The following DENND1A variants were observed in gnomAD, a reference collection of about 807,000 sequenced individuals.
The protein encoded by DENND1A is DENN domain containing 1A, also known as DENN domain-containing protein 1A.
Under a neutral mutation model 113.7 loss-of-function variants are expected in DENND1A, and 51 were observed. The ratio of observed to expected loss-of-function variants is 0.45; its 90% CI spans 0.36 to 0.57. The LOEUF is 0.57. Ranked by LOEUF, DENND1A falls within the 20% of genes least tolerant of loss-of-function variation. DENND1A has a pLI of 0.00. For missense variants in DENND1A, 1,258 were observed against 1,395.9 expected, an observed-to-expected ratio of 0.90 and a Z score of 1.57; for synonymous variants, 565 against 570.8, an observed-to-expected ratio of 0.99 and a Z score of 0.14.
At chr9:123,827,342 C>T (rs1335129102) in intron 2 of DENND1A, among the ~76,000 whole-genome samples, 1 of 150,250 alleles carries the variant, frequency 6.7e-6, no homozygotes, top group Non-Finnish European at 1.5e-5. Context: ...TTAGTGGCCT[C>T]AGGAAAAAGA....
intron 1 of DENND1A, among the ~76,000 whole-genome samples, chr9:123,885,004 C>CAG (rs2133666483): frequency 8.3e-6 from 1 of 121,148 alleles, no homozygotes; most frequent in South Asian, 2.3e-4. Flanking sequence ...CGCGCACACA[C>CAG]ACACACACAC....
chr9:123,802,124 C>T (rs1300122806), intron 2 of DENND1A, among the ~76,000 whole-genome samples: 2 of 152,190 alleles, frequency 1.3e-5, no homozygotes, highest in Non-Finnish European at 2.9e-5. Flanking sequence ...TTGCTTTTGG[C>T]ACTCCTGGTC....
At chr9:123,573,531 T>C (rs546064565) in intron 12 of DENND1A, among the ~76,000 whole-genome samples, 16 of 152,288 alleles carry the variant, frequency 1.1e-4, no homozygotes, top group African/African-American at 3.6e-4. Flanking sequence ...CTTAAATTTA[T>C]TCCTAAGTAT....
At chr9:123,876,530 T>C (rs1163047859) in intron 2 of DENND1A, among the ~76,000 whole-genome samples, 1 of 152,180 alleles carries the variant, frequency 6.6e-6, no homozygotes, top group Non-Finnish European at 1.5e-5. Context: ...TCTTAAATGA[T>C]CCAGCAATAA....
chr9:123,867,212 C>A (rs589766), intron 2 of DENND1A, among the ~76,000 whole-genome samples: 18,914 of 152,108 alleles, frequency 0.12, 1,530 homozygotes, highest in African/African-American at 0.23. Context: ...ATAATACCAA[C>A]AGAAGTTCAA....
chr9:123,476,819 A>G (rs2049952575), intron 13 of DENND1A, among the ~76,000 whole-genome samples: 1 of 152,198 alleles, frequency 6.6e-6, no homozygotes, highest in Non-Finnish European at 1.5e-5. Context: ...ACAATTGGGA[A>G]ACTGAGCCAC....
chr9:123,796,756 T>C (rs932295146), intron 2 of DENND1A, among the ~76,000 whole-genome samples: 19 of 141,596 alleles, frequency 1.3e-4, no homozygotes, highest in Middle Eastern at 3.6e-3. Context: ...TATGTGTACA[T>C]ACACACACAC....
chr9:123,810,549 C>T (rs866676673), intron 2 of DENND1A, among the ~76,000 whole-genome samples: 1 of 46,436 alleles, frequency 2.2e-5, no homozygotes, highest in Non-Finnish European at 4.3e-5. Flanking sequence ...CATGTCTCTA[C>T]AAAAAAAAAA....
chr9:123,671,564 C>T (rs963129983), intron 6 of DENND1A, among the ~76,000 whole-genome samples, 193 bp from the exon 7 acceptor site: 1 of 152,088 alleles, frequency 6.6e-6, no homozygotes, highest in Non-Finnish European at 1.5e-5. Flanking sequence ...CCAAATAGAT[C>T]CTCCTACACC....
At chr9:123,713,805 A>G (rs934149987) in intron 5 of DENND1A, among the ~76,000 whole-genome samples, 8 of 152,216 alleles carry the variant, frequency 5.3e-5, no homozygotes, top group African/African-American at 1.7e-4. Context: ...CATTATTGTC[A>G]CTATTCCATC....
chr9:123,749,735 T>C (rs1196918260), intron 5 of DENND1A, among the ~76,000 whole-genome samples: 3 of 152,074 alleles, frequency 2.0e-5, no homozygotes, highest in Non-Finnish European at 4.4e-5. Flanking sequence ...AGCAAGATGA[T>C]TGAAGAATGC....
chr9:123,891,610 G>C (rs1420811407), intron 1 of DENND1A, among the ~76,000 whole-genome samples: 1 of 152,194 alleles, frequency 6.6e-6, no homozygotes, highest in Non-Finnish European at 1.5e-5. Flanking sequence ...CTCTTTAGAA[G>C]ACCTTGAAAT....
At chr9:123,765,222 G>T (rs2131554049) in intron 4 of DENND1A, among the ~76,000 whole-genome samples, 1 of 152,266 alleles carries the variant, frequency 6.6e-6, no homozygotes, top group South Asian at 2.1e-4. Context: ...GTAAAACAGG[G>T]AAAGTATGGT....
chr9:123,750,422 C>T (rs1023947642), intron 5 of DENND1A, among the ~76,000 whole-genome samples: 7 of 152,220 alleles, frequency 4.6e-5, no homozygotes, highest in African/African-American at 1.4e-4. Flanking sequence ...CCATGCCCTG[C>T]ACCCACACAA....
chr9:123,440,470 C>T lies in DENND1A; in HGVS notation c.1378G>A (p.Ala460Thr), dbSNP rs747062773. The T allele has an allele frequency of 1.3e-5, 20 of 1,569,788 alleles. No individual in the cohort carries two copies. Among genetic ancestry groups the T allele is most frequent in the Middle Eastern group, 1.7e-4 (1 of 5,932 alleles). ...GGCAGCTGCTCTTCTGGGGTGGGGG[C>T]GCAGCCATTCTCGGCAATGTCCTGT... ...KQKDIAENGC[A>T]PTPEEQLPKT... Residue 460 changes from alanine to threonine, a missense_variant, in exon 19 of 24, where the codon GCC (alanine) becomes ACC (threonine). Physicochemically the swap from Ala to Thr is moderately conservative, Grantham distance 58 (BLOSUM62 0). Coordinates refer to ENST00000394215, the MANE Select transcript of DENND1A (RefSeq NM_001352964.2).
intron 12 of DENND1A, among the ~76,000 whole-genome samples, chr9:123,560,271 A>C (rs1424808384): frequency 2.0e-5 from 3 of 152,222 alleles, no homozygotes; most frequent in Non-Finnish European, 4.4e-5. Flanking sequence ...TGAAGTCACC[A>C]AGCACAGTGC....
In DENND1A at chr9:123,465,982, T is replaced by C. The variant is rs748502749; in HGVS notation, c.994-8085A>G. Among the ~76,000 whole-genome samples, 35 of 152,040 alleles carry C rather than the reference T, an allele frequency of 2.3e-4. No individual in the cohort carries two copies. The Middle Eastern group carries it at 0.01, about 44-fold the overall frequency. On this transcript the variant is annotated intron_variant, in intron 13 of 23. Transcript: ENST00000394215. ...GAAACACTGCACAAAACTAACGCCA[T>C]TGTTTTTATTTCTTTTTTTCTTTTT...
chr9:123,494,769 A>G (rs1450597880), intron 13 of DENND1A, among the ~76,000 whole-genome samples: 1 of 151,360 alleles, frequency 6.6e-6, no homozygotes, highest in East Asian at 1.9e-4. Context: ...TACCTCTTCC[A>G]CTGAGAAGCC....
At chr9:123,637,454 G>C (rs557239683) in intron 9 of DENND1A, among the ~76,000 whole-genome samples, 1 of 152,074 alleles carries the variant, frequency 6.6e-6, no homozygotes, top group Non-Finnish European at 1.5e-5. Flanking sequence ...TTTTTGTTTT[G>C]ATTATAATTT....
Sources: gnomAD v4.1 joint callset for allele counts (sites outside exome capture counted in the v4.1 genomes callset) on GRCh38, gnomAD v4.1.1 for gene constraint, MANE v1.5 for transcripts, NCBI Gene and HGNC (gene_info 2026-07-23, HGNC 2026-07-21) for gene names.